TRIP4: variants seen among roughly 807,000 people sequenced by gnomAD.
TRIP4 encodes the protein activating signal cointegrator 1.
Under a neutral mutation model 81.8 loss-of-function variants are expected in TRIP4, and 54 were observed. That is an observed-to-expected ratio of 0.66 (90% CI 0.53 to 0.83). The LOEUF (loss-of-function observed/expected upper bound fraction) is 0.83, where lower values mean the gene tolerates loss of function less well. Among genes scored for constraint, TRIP4 ranks in the 40% least tolerant of loss-of-function variants. The pLI is 0.00. For missense variants in TRIP4, 662 were observed against 683.6 expected (o/e 0.97, Z 0.35); for synonymous variants, 270 against 242.8 (o/e 1.11, Z -1.04).
intron 12 of TRIP4, among the ~76,000 whole-genome samples, chr15:64,451,948 C>T (rs1360757477): frequency 7.8e-5 from 8 of 102,592 alleles, no homozygotes; most frequent in Admixed American, 4.8e-4. Flanking sequence ...CCACTGTGCC[C>T]GGCCCAAAAA....
chr15:64,438,879 C>T (rs1195829814), intron 11 of TRIP4, among the ~76,000 whole-genome samples: 2 of 152,104 alleles, frequency 1.3e-5, no homozygotes, highest in African/African-American at 4.8e-5. Flanking sequence ...GATTGTCTTC[C>T]ACAAATGGCT....
chr15:64,412,909 C>T (rs1891799834), intron 7 of TRIP4, among the ~76,000 whole-genome samples: 1 of 152,048 alleles, frequency 6.6e-6, no homozygotes, highest in African/African-American at 2.4e-5. Flanking sequence ...AGGTTTAGAG[C>T]CAGATATCCA....
At chr15:64,395,359 T>G in intron 2 of TRIP4, 39 bp from the exon 3 acceptor site, 1 of 1,554,636 alleles carries the variant, frequency 6.4e-7, no homozygotes, top group Non-Finnish European at 8.7e-7. Context: ...CTCTTATCAA[T>G]CTGTGTGTGT....
rs147733239 is a variant in TRIP4 at position 64,451,546 on chromosome 15, A to G, written c.1679-3451A>G. Among the ~76,000 whole-genome samples, 1,212 of 136,140 alleles carry G rather than the reference A, an allele frequency of 8.9e-3. 14 individuals carry two copies. The highest frequency in any genetic ancestry group is 0.033 in the African/African-American group (1,158 of 35,502). 89.3% of individuals were successfully genotyped at this position (136,140 alleles called of 152,430 possible). ...AAGTGTAGTGGTGTGAACTCGGCTCACTGCAACCTCTGCCTCCCTGGCTCA... is the reference window on the plus strand; with the variant it reads ...AAGTGTAGTGGTGTGAACTCGGCTCGCTGCAACCTCTGCCTCCCTGGCTCA... On this transcript the variant is annotated intron_variant, in intron 12 of 12. Transcript: ENST00000261884.
chr15:64,454,728 CT>C (rs1470006074), intron 12 of TRIP4, among the ~76,000 whole-genome samples: 1 of 152,170 alleles, frequency 6.6e-6, no homozygotes. Flanking sequence ...GTGATTATTT[CT>C]TTTCTAGTAG....
chr15:64,409,734 C>T lies in TRIP4; in HGVS notation c.949C>T (p.Arg317Ter), dbSNP rs368346982. 33 of 1,613,978 alleles carry T rather than the reference C, an allele frequency of 2.0e-5. No homozygotes were observed. Among genetic ancestry groups the T allele is most frequent in the Non-Finnish European group, 2.6e-5 (31 of 1,180,018 alleles). Residue 317 changes from arginine to a stop codon, truncating the protein, a stop_gained, in exon 7 of 13, where the codon CGA becomes TGA. Transcript: ENST00000261884. LOFTEE classifies it high-confidence loss of function. ...GCGAGAGGAGGAGCTGAGAGAACTT[C>T]GACACGCCTCTCGACTTTCTAAGAA... ...QKREEELRELRHASRLSKKVT... is the reference protein window; with the variant it reads ...QKREEELREL
intron 12 of TRIP4, among the ~76,000 whole-genome samples, chr15:64,451,545 C>T (rs1441193277): frequency 7.0e-6 from 1 of 142,954 alleles, no homozygotes. Context: ...GAACTCGGCT[C>T]ACTGCAACCT....
intron 11 of TRIP4, among the ~76,000 whole-genome samples, chr15:64,430,613 G>A (rs1448365398): frequency 2.0e-5 from 3 of 152,156 alleles, no homozygotes; most frequent in Non-Finnish European, 4.4e-5. Flanking sequence ...TTGAGTTGGT[G>A]GCTTTTGTTT....
chr15:64,437,460 T>G (rs535730814), intron 11 of TRIP4, among the ~76,000 whole-genome samples: 1 of 151,410 alleles, frequency 6.6e-6, no homozygotes, highest in Non-Finnish European at 1.5e-5. Flanking sequence ...GGATTTGAAC[T>G]GTGTTCTAAA....
intron 11 of TRIP4, among the ~76,000 whole-genome samples, chr15:64,427,061 G>A (rs1892167012): frequency 6.6e-6 from 1 of 152,114 alleles, no homozygotes; most frequent in South Asian, 2.1e-4. Context: ...AGCAGCAGAG[G>A]GAGCCGAAAT....
In TRIP4 at chr15:64,455,154, C is replaced by G; in HGVS notation, c.*90C>G. On this transcript the variant is annotated 3_prime_UTR_variant, in exon 13 of 13. Transcript: ENST00000261884. ...CCTTTGGAATTGAAGTAGTAGAAAC[C>G]TAAAGGCTTGGCGTCAGGCTTGAAT... 5.9e-6 allele frequency: 7 copies of G among 1,188,226 alleles called. No individual in the cohort carries two copies. Among genetic ancestry groups the G allele is most frequent in the Non-Finnish European group, 8.4e-6 (7 of 829,286 alleles). 73.6% of individuals were successfully genotyped at this position (1,188,226 alleles called of 1,614,324 possible).
intron 7 of TRIP4, among the ~76,000 whole-genome samples, chr15:64,412,215 C>T (rs1355549476): frequency 6.6e-6 from 1 of 152,080 alleles, no homozygotes; most frequent in Non-Finnish European, 1.5e-5. Flanking sequence ...TTCTAGAGTT[C>T]TGGATATACT....
intron 8 of TRIP4, 31 bp downstream of exon 8, chr15:64,414,242 A>G (rs910852350): frequency 6.2e-7 from 1 of 1,610,118 alleles, no homozygotes. Flanking sequence ...ACTGTTAATA[A>G]GAAGTTTGGC....
intron 11 of TRIP4, among the ~76,000 whole-genome samples, chr15:64,430,856 C>T (rs142734734): frequency 0.015 from 2,226 of 152,140 alleles, 29 homozygotes; most frequent in Middle Eastern, 0.034. Context: ...TGCCTGTTTC[C>T]AATAATTGAC....
rs79283361 is a variant in TRIP4, at chr15:64,425,273, T to A, written c.1484-267T>A. On this transcript the variant is annotated intron_variant, in intron 10 of 12. Transcript: ENST00000261884. ...AGAATCGATTTGTATTAGGATGAATTTGTGGGGTCCTTGAACTTTGATGGT... is the reference window on the plus strand; with the variant it reads ...AGAATCGATTTGTATTAGGATGAATATGTGGGGTCCTTGAACTTTGATGGT... 4.2e-3 allele frequency among the ~76,000 whole-genome samples: 641 copies of A among 152,250 alleles called. 9 individuals carry two copies. The highest frequency in any genetic ancestry group is 0.015 in the African/African-American group (609 of 41,556).
intron 12 of TRIP4, among the ~76,000 whole-genome samples, chr15:64,451,196 T>C (rs1403640162): frequency 6.6e-6 from 1 of 152,012 alleles, no homozygotes; most frequent in Non-Finnish European, 1.5e-5. Context: ...CACTGCAACC[T>C]CTGCCTCCTG....
intron 10 of TRIP4, among the ~76,000 whole-genome samples, chr15:64,425,072 C>T (rs997310208): frequency 7.9e-5 from 12 of 152,108 alleles, no homozygotes; most frequent in South Asian, 2.1e-4. Context: ...CTACTGAGCC[C>T]GGCCTAAAAG....
chr15:64,418,338 C>T (rs1024913323), intron 8 of TRIP4, among the ~76,000 whole-genome samples: 8 of 152,206 alleles, frequency 5.3e-5, no homozygotes, highest in African/African-American at 1.9e-4. Flanking sequence ...CCTAGAACTC[C>T]TGACCTCAAG....
At chr15:64,414,292 C>A in intron 8 of TRIP4, 81 bp downstream of exon 8, 1 of 1,558,648 alleles carries the variant, frequency 6.4e-7, no homozygotes. Context: ...ATTTCATAGA[C>A]TTCAGATACC....
Sources: gnomAD v4.1 joint callset for allele counts (sites outside exome capture counted in the v4.1 genomes callset) on GRCh38, gnomAD v4.1.1 for gene constraint, MANE v1.5 for transcripts, NCBI Gene and HGNC (gene_info 2026-07-23, HGNC 2026-07-21) for gene names.